GBP4: variants seen among roughly 807,000 people sequenced by gnomAD.
GBP4 encodes guanylate binding protein 4, also known as guanylate-binding protein 4.
Under a neutral mutation model 62.2 loss-of-function variants are expected in GBP4, and 69 were observed. The observed-to-expected ratio is 1.11, with a 90% confidence interval of 0.91 to 1.36. The LOEUF is 1.36. GBP4 is among the 40% of genes most tolerant of loss of function. GBP4 has a pLI of 0.00. For missense variants in GBP4, 697 were observed against 759.3 expected (o/e 0.92, Z 0.96); for synonymous variants, 278 against 274.6 (o/e 1.01, Z -0.12).
intron 3 of GBP4, among the ~76,000 whole-genome samples, chr1:89,193,634 G>A (rs945529086): frequency 2.6e-5 from 4 of 152,182 alleles, no homozygotes; most frequent in African/African-American, 9.7e-5. Context: ...TTGTCAATGT[G>A]AGTAACATTC....
At chr1:89,190,645 A>C (rs532895244) in intron 6 of GBP4, among the ~76,000 whole-genome samples, 1 of 152,062 alleles carries the variant, frequency 6.6e-6, no homozygotes, top group Non-Finnish European at 1.5e-5. Flanking sequence ...TAGCAGGGAA[A>C]GTAAGTTATA....
chr1:89,182,365 A>C lies in GBP4; in HGVS notation c.*2889T>G, dbSNP rs2100670902. Reference sequence around the variant, plus strand: ...TTTGAGCAAACAGGCGGTACATGACAGGGGCTGCATGCACTGGTGGTCAGA... The same window carrying C: ...TTTGAGCAAACAGGCGGTACATGACCGGGGCTGCATGCACTGGTGGTCAGA... On this transcript the variant is annotated 3_prime_UTR_variant, in exon 11 of 11. Coordinates refer to ENST00000355754, the MANE Select transcript of GBP4 (RefSeq NM_052941.5). 6.6e-6 allele frequency: 1 copy of C among 152,346 alleles called. No homozygotes were observed. Among genetic ancestry groups the C allele is most frequent in the South Asian group, 2.1e-4 (1 of 4,824 alleles). The allele number at this position is 152,346 out of a possible 1,614,324, so 9.4% of individuals were successfully genotyped here.
chr1:89,194,213 T>C (rs932166194), intron 3 of GBP4, among the ~76,000 whole-genome samples: 26 of 152,124 alleles, frequency 1.7e-4, no homozygotes, highest in African/African-American at 6.0e-4. Context: ...GCAGTGAGTA[T>C]GCATGTTGGT....
Position 89,190,275 on chromosome 1 carries a change from A to G in GBP4, c.960T>C (p.Ser320=), listed in dbSNP as rs1648146096. 12 of 1,613,820 alleles carry G rather than the reference A, an allele frequency of 7.4e-6. No individual in the cohort carries two copies. The highest frequency in any genetic ancestry group is 9.3e-6 in the Non-Finnish European group (11 of 1,179,792). ...LVVTYVDAIN[S]GAVPCLENAV... The stretch of plus-strand genomic sequence containing the variant: ...CATTCTCCAGACAAGGTACTGCTCC[A>G]CTGTTGATGGCATCTACATAAGTCA... Residue 320 remains serine (S), a synonymous_variant, in exon 7 of 11, where the codon AGT becomes AGC. Coordinates refer to ENST00000355754, the MANE Select transcript of GBP4 (RefSeq NM_052941.5).
chr1:89,197,074 C>A, intron 2 of GBP4, 36 bp downstream of exon 2: 1 of 1,562,678 alleles, frequency 6.4e-7, no homozygotes, highest in East Asian at 2.3e-5. Context: ...ATCACTGGTT[C>A]CAAGTAAATG....
chr1:89,195,180 A>T, intron 3 of GBP4, 117 bp downstream of exon 3: 2 of 1,049,562 alleles, frequency 1.9e-6, no homozygotes, highest in Non-Finnish European at 2.8e-6. Context: ...AACAGAATTT[A>T]GCCTCATTAT....
intron 3 of GBP4, among the ~76,000 whole-genome samples, chr1:89,194,900 CCTT>C (rs1466385963): frequency 6.6e-6 from 1 of 152,206 alleles, no homozygotes; most frequent in Non-Finnish European, 1.5e-5. Context: ...CTCCAACAAG[CCTT>C]CTCTAAGTCG....
rs529929441 is a variant in GBP4, at chr1:89,182,040, A to G, written c.*3214T>C. ...ATGGAAAAACATTCCATGCTCATGAATAGGAGCACAGCTTTGTAAATAAAG... is the reference window on the plus strand; with the variant it reads ...ATGGAAAAACATTCCATGCTCATGAGTAGGAGCACAGCTTTGTAAATAAAG... On this transcript the variant is annotated 3_prime_UTR_variant, in exon 11 of 11. Transcript: ENST00000355754. 2.6e-5 allele frequency: 4 copies of G among 152,224 alleles called. No individual in the cohort carries two copies. Among genetic ancestry groups the G allele is most frequent in the Non-Finnish European group, 5.9e-5 (4 of 68,030 alleles). The allele number at this position is 152,224 out of a possible 1,614,324, so 9.4% of individuals were successfully genotyped here.
At chr1:89,188,430 C>A (rs938104793) in intron 8 of GBP4, 152 bp downstream of exon 8, 8 of 688,798 alleles carry the variant, frequency 1.2e-5, no homozygotes, top group Non-Finnish European at 2.1e-5. Context: ...GAGTGTCTAA[C>A]TAACTGTGGA....
chr1:89,191,563 T>G (rs1396851462), intron 5 of GBP4, 57 bp from the exon 6 acceptor site: 14 of 1,561,626 alleles, frequency 9.0e-6, no homozygotes, highest in Middle Eastern at 1.7e-4. Context: ...GCAAGGGGGC[T>G]GAGGACTTTT....
intron 3 of GBP4, among the ~76,000 whole-genome samples, chr1:89,193,956 A>C (rs1648259259): frequency 6.6e-6 from 1 of 152,200 alleles, no homozygotes; most frequent in South Asian, 2.1e-4. Context: ...TAAAACAAAT[A>C]AAAAGAAGGG....
chr1:89,194,505 T>C (rs1648271594), intron 3 of GBP4, among the ~76,000 whole-genome samples: 1 of 152,230 alleles, frequency 6.6e-6, no homozygotes, highest in Non-Finnish European at 1.5e-5. Flanking sequence ...AGTTCAGAAT[T>C]GCTAAGTTGG....
chr1:89,197,191 G>A lies in GBP4; in HGVS notation c.154C>T (p.Pro52Ser). The change falls in exon 2 of 11, where the codon CCC becomes TCC. Residue 52 changes from proline (P) to serine (S), a missense_variant. Physicochemically the swap from Pro to Ser is moderately conservative, Grantham distance 74. This residue lies in a region of GBP4 where 556 missense variants were observed against 562.7 expected (regional missense o/e 0.99). Transcript: ENST00000355754. ...CCTACAATGGCCACCACCACCACGG[G>A]CTGAGAAATCTTGTCAAGAATCTCT... ...ALEILDKISQ[P>S]VVVVAIVGLY... 1 of 1,614,122 alleles carries A rather than the reference G, an allele frequency of 6.2e-7. No individual in the cohort carries two copies. Among genetic ancestry groups the A allele is most frequent in the East Asian group, 2.2e-5 (1 of 44,884 alleles).
At chr1:89,196,899 G>A (rs1433634387) in intron 2 of GBP4, among the ~76,000 whole-genome samples, 1 of 152,234 alleles carries the variant, frequency 6.6e-6, no homozygotes. Flanking sequence ...GAAGACCCAT[G>A]GAACGGATCT....
chr1:89,186,473 T>C lies in GBP4; in HGVS notation c.1567A>G (p.Lys523Glu). ...ATCATTTGCTGCTGCTCCTTCTGTT[T>C]TTCTCTTAGCAGCTCCTGTTCCTTC... ...AEKEQELLRE[K>E]QKEQQQMMEA... Residue 523 changes from lysine to glutamate, a missense_variant, in exon 10 of 11, where the codon AAA becomes GAA. By Grantham distance (56) the Lys-to-Glu change is moderately conservative. Transcript: ENST00000355754. 1 of 1,614,168 alleles carries C rather than the reference T, an allele frequency of 6.2e-7. No individual in the cohort carries two copies. The highest frequency in any genetic ancestry group is 1.3e-5 in the African/African-American group (1 of 75,054).
chr1:89,185,813 G>A (rs1648019613), intron 10 of GBP4, among the ~76,000 whole-genome samples: 1 of 152,134 alleles, frequency 6.6e-6, no homozygotes, highest in Non-Finnish European at 1.5e-5. Context: ...AAATAACGGG[G>A]GACTGCTGAC....
rs765445692 is a variant in GBP4 at position 89,187,107 on chromosome 1, G to A, written c.1411-5C>T. ...GTTCTGGAGGACCTCGTTTGCCTGA[G>A]GAACCAAGAAAGAGCAAAGACCTGT... On this transcript the variant is annotated splice_region_variant and splice_polypyrimidine_tract_variant and intron_variant, in intron 8 of 10. Transcript: ENST00000355754. The A allele has an allele frequency of 6.2e-7, 1 of 1,613,460 alleles. No individual in the cohort carries two copies. The highest frequency in any genetic ancestry group is 1.1e-5 in the South Asian group (1 of 91,056).
In GBP4 at chr1:89,197,161, A is replaced by G. The variant is rs974971215; in HGVS notation, c.184T>C (p.Tyr62His). 2 of 1,614,124 alleles carry G rather than the reference A, an allele frequency of 1.2e-6. No homozygotes were observed. The highest frequency in any genetic ancestry group is 1.7e-6 in the Non-Finnish European group (2 of 1,179,992). ...ATGAGATAGGATTTTCCTGTGCGGT[A>G]TAGCCCTACAATGGCCACCACCACC... ...PVVVVAIVGL[Y>H]RTGKSYLMNR... Residue 62 changes from tyrosine (Y) to histidine (H), a missense_variant, in exon 2 of 11, where the codon TAC (tyrosine) becomes CAC (histidine). Coordinates refer to ENST00000355754, the MANE Select transcript of GBP4 (RefSeq NM_052941.5).
intron 9 of GBP4, 36 bp from the exon 10 acceptor site, chr1:89,186,562 A>G (rs1648042863): frequency 6.3e-7 from 1 of 1,591,280 alleles, no homozygotes; most frequent in African/African-American, 1.3e-5. Context: ...GAAGAAAATG[A>G]CAGTTATTCC....
Sources: allele counts gnomAD v4.1 joint callset (sites outside exome capture counted in the v4.1 genomes callset), GRCh38; gene constraint gnomAD v4.1.1; regional missense constraint gnomAD v4.1.1; transcripts MANE v1.5; gene names NCBI Gene and HGNC (gene_info 2026-07-23, HGNC 2026-07-21).